Variants in VPS54 observed in about 807,000 individuals in gnomAD.
The protein encoded by VPS54 is vacuolar protein sorting-associated protein 54.
A neutral mutation model predicts 121.5 loss-of-function variants in VPS54; 45 were observed. The observed-to-expected ratio is 0.37, with a 90% confidence interval of 0.29 to 0.47. The LOEUF is 0.47. VPS54 is among the 20% of genes least tolerant of loss of function. The probability of loss-of-function intolerance (pLI) is 0.99; values close to 1 mark genes in which losing one functional copy is unlikely to be tolerated. For missense variants in VPS54, 1,090 were observed against 1,131.4 expected, an observed-to-expected ratio of 0.96 and a Z score of 0.52; for synonymous variants, 371 against 385.8, an observed-to-expected ratio of 0.96 and a Z score of 0.45.
At chr2:64,009,401 C>T (rs1004023654) in intron 1 of VPS54, among the ~76,000 whole-genome samples, 1 of 152,010 alleles carries the variant, frequency 6.6e-6, no homozygotes, top group Admixed American at 6.6e-5. Context: ...TAACAACCTC[C>T]GCCTCCCGGG....
chr2:63,979,940 A>C (rs1676732643), intron 3 of VPS54, among the ~76,000 whole-genome samples: 1 of 152,182 alleles, frequency 6.6e-6, no homozygotes, highest in Non-Finnish European at 1.5e-5. Context: ...TTGAAAAAAA[A>C]GTATATTCTT....
chr2:63,945,878 G>A (rs1005628760), intron 9 of VPS54, among the ~76,000 whole-genome samples: 2 of 152,090 alleles, frequency 1.3e-5, no homozygotes, highest in African/African-American at 2.4e-5. Flanking sequence ...TCTGGGAATT[G>A]AAACATACCA....
At chr2:63,963,048 T>C (rs1675839311) in intron 6 of VPS54, among the ~76,000 whole-genome samples, 2 of 152,162 alleles carry the variant, frequency 1.3e-5, no homozygotes, top group Non-Finnish European at 1.5e-5. Flanking sequence ...CTGTTTCTAT[T>C]ATACCATTCT....
In VPS54 at chr2:63,962,390, T is replaced by C; in HGVS notation, c.678A>G (p.Leu226=). 1 of 1,613,836 alleles carries C rather than the reference T, an allele frequency of 6.2e-7. No homozygotes were observed. The highest frequency in any genetic ancestry group is 8.5e-7 in the Non-Finnish European group (1 of 1,179,834). ...TTGCATGAAAAAATGCTTCTGAACG[T>C]AGAGAGATCTGGTGAGCAATGTTTA... is the stretch of plus-strand genomic sequence containing the variant. ...VEVNIAHQIS[L]RSEAFFHAMT... The change falls in exon 7 of 23, where the codon CTA becomes CTG. Residue 226 remains leucine (L), a synonymous_variant. Transcript: ENST00000272322.
At chr2:63,908,312 A>C (rs1168613209) in intron 20 of VPS54, among the ~76,000 whole-genome samples, 2 of 152,178 alleles carry the variant, frequency 1.3e-5, no homozygotes, top group African/African-American at 2.4e-5. Flanking sequence ...AGTGTGGCAC[A>C]GTAGACTACA....
At chr2:64,002,461 G>C (rs1017914801) in intron 1 of VPS54, among the ~76,000 whole-genome samples, 19 of 152,142 alleles carry the variant, frequency 1.2e-4, no homozygotes, top group Non-Finnish European at 2.5e-4. Context: ...TTGACATGAA[G>C]TGTTAAGCCA....
chr2:63,957,801 A>T (rs951489740), intron 7 of VPS54, among the ~76,000 whole-genome samples: 3 of 152,212 alleles, frequency 2.0e-5, no homozygotes, highest in Non-Finnish European at 4.4e-5. Flanking sequence ...ATCCAATAGT[A>T]GTTATAAACC....
intron 20 of VPS54, among the ~76,000 whole-genome samples, chr2:63,909,725 G>GTTTTTGTTTTTTTTTTTTTTTTTT (rs747731456): frequency 8.7e-6 from 1 of 115,250 alleles, no homozygotes; most frequent in Non-Finnish European, 1.8e-5. Context: ...GCCGTTTTTG[G>GTTTTTGTTTTTTTTTTTTTTTTTT]TTTTTTTTTT....
intron 1 of VPS54, among the ~76,000 whole-genome samples, chr2:64,002,613 C>T (rs973093902): frequency 6.6e-6 from 1 of 152,022 alleles, no homozygotes; most frequent in African/African-American, 2.4e-5. Flanking sequence ...ATCCTAAGTG[C>T]CATTTTAGAA....
chr2:63,915,050 C>T (rs1673316481), intron 16 of VPS54, among the ~76,000 whole-genome samples: 1 of 145,608 alleles, frequency 6.9e-6, no homozygotes, highest in Non-Finnish European at 1.5e-5. Flanking sequence ...ACTGGGGAGG[C>T]TGAGGCAGGA....
intron 1 of VPS54, among the ~76,000 whole-genome samples, chr2:64,007,346 T>A (rs1334828510): frequency 6.6e-6 from 1 of 152,168 alleles, no homozygotes; most frequent in Admixed American, 6.5e-5. Context: ...GGAAGACATC[T>A]GAGCATAGGT....
At chr2:63,997,870 C>A (rs1677676042) in intron 1 of VPS54, among the ~76,000 whole-genome samples, 1 of 151,820 alleles carries the variant, frequency 6.6e-6, no homozygotes, top group Non-Finnish European at 1.5e-5. Flanking sequence ...TTTGCTGTAT[C>A]CTCATAGATT....
At chr2:63,910,730 T>C (rs568233332) in intron 20 of VPS54, among the ~76,000 whole-genome samples, 1 of 152,346 alleles carries the variant, frequency 6.6e-6, no homozygotes, top group East Asian at 1.9e-4. Flanking sequence ...CAATTCTCTT[T>C]TTTCTTTACA....
At chr2:63,926,129 T>C (rs1430389348) in intron 12 of VPS54, among the ~76,000 whole-genome samples, 1 of 152,198 alleles carries the variant, frequency 6.6e-6, no homozygotes, top group African/African-American at 2.4e-5. Flanking sequence ...TGTCCTCTCC[T>C]TCCTGCTGCT....
intron 7 of VPS54, among the ~76,000 whole-genome samples, chr2:63,960,657 A>G (rs906153134): frequency 2.0e-5 from 3 of 152,220 alleles, no homozygotes; most frequent in Non-Finnish European, 4.4e-5. Flanking sequence ...ACAGTAAGTG[A>G]TAAGTTAAAA....
At chr2:64,016,690 C>A (rs1311126190) in intron 1 of VPS54, among the ~76,000 whole-genome samples, 2 of 151,472 alleles carry the variant, frequency 1.3e-5, no homozygotes, top group African/African-American at 4.9e-5. Flanking sequence ...CTCACTGCAA[C>A]CTCCACCTCC....
chr2:63,914,812 T>C (rs576611034), intron 16 of VPS54, among the ~76,000 whole-genome samples: 100 of 151,790 alleles, frequency 6.6e-4, no homozygotes, highest in Admixed American at 1.5e-3. Context: ...GGAAAACATG[T>C]CTCCTAAGAA....
chr2:63,896,714 C>G (rs1325474532), intron 22 of VPS54, among the ~76,000 whole-genome samples: 1 of 151,994 alleles, frequency 6.6e-6, no homozygotes, highest in East Asian at 1.9e-4. Flanking sequence ...GCCTGAAATT[C>G]CTTTAACAGG....
At chr2:63,938,186 C>T (rs1448091346) in intron 11 of VPS54, among the ~76,000 whole-genome samples, 1 of 151,740 alleles carries the variant, frequency 6.6e-6, no homozygotes, top group Non-Finnish European at 1.5e-5. Flanking sequence ...AGACTGGTCT[C>T]AAACTCTGGT....
Sources: allele counts gnomAD v4.1 joint callset (sites outside exome capture counted in the v4.1 genomes callset), GRCh38; gene constraint gnomAD v4.1.1; transcripts MANE v1.5; gene names NCBI Gene and HGNC (gene_info 2026-07-23, HGNC 2026-07-21).